PPP2R2B: variants seen among roughly 807,000 people sequenced by gnomAD.
The protein encoded by PPP2R2B is serine/threonine-protein phosphatase 2A 55 kDa regulatory subunit B beta isoform.
In PPP2R2B, 5 loss-of-function variants were observed where a neutral mutation model predicts 46.0. The ratio of observed to expected loss-of-function variants is 0.11; its 90% CI spans 0.06 to 0.23. The LOEUF (loss-of-function observed/expected upper bound fraction) is 0.23, where lower values mean the gene tolerates loss of function less well. Among genes scored for constraint, PPP2R2B ranks in the 10% least tolerant of loss-of-function variants. The pLI, the probability that PPP2R2B is intolerant of heterozygous loss-of-function variation, is 1.00. For synonymous variants in PPP2R2B, 215 were observed against 206.7 expected (o/e 1.04, Z -0.34); for missense variants, 367 against 575.0 (o/e 0.64, Z 3.70).
At chr5:146,702,866 T>G (rs1038899898) in intron 2 of PPP2R2B, among the ~76,000 whole-genome samples, 1 of 152,138 alleles carries the variant, frequency 6.6e-6, no homozygotes, top group Non-Finnish European at 1.5e-5. Flanking sequence ...GAATACTACC[T>G]TAAGGAAACA....
At chr5:146,953,016 T>C (rs893714619) in intron 1 of PPP2R2B, among the ~76,000 whole-genome samples, 9 of 152,124 alleles carry the variant, frequency 5.9e-5, no homozygotes, top group African/African-American at 2.2e-4. Context: ...ACAGATAAAA[T>C]ATGTAAAAAT....
intron 2 of PPP2R2B, among the ~76,000 whole-genome samples, chr5:146,754,514 C>T (rs1168791867): frequency 2.0e-5 from 3 of 152,140 alleles, no homozygotes; most frequent in Non-Finnish European, 2.9e-5. Context: ...AGAAGTTCTT[C>T]GATACTCTTT....
At position 146,770,355 on chromosome 5, in the gene PPP2R2B, A is replaced by AT. The variant is rs1368760298; in HGVS notation, c.71-69214_71-69213insA. ...CAAAAAAAAAAAAAAAAAAAAAAAA[A>AT]GAATGAAGAATTCAAAAATTATCCT... On this transcript the variant is annotated intron_variant, in intron 2 of 9. Coordinates refer to ENST00000394411, the MANE Select transcript of PPP2R2B (RefSeq NM_181675.4). Among the ~76,000 whole-genome samples, 79 of 132,646 alleles carry AT rather than the reference A, an allele frequency of 6.0e-4. 1 individual carries two copies. Among genetic ancestry groups the AT allele is most frequent in the African/African-American group, 2.0e-3 (75 of 37,154 alleles). The allele number at this position is 132,646 out of a possible 152,430, so 87.0% of individuals were successfully genotyped here.
At chr5:146,691,316 G>A (rs1162053080) in intron 4 of PPP2R2B, 76 bp from the exon 5 acceptor site, 11 of 1,190,548 alleles carry the variant, frequency 9.2e-6, no homozygotes, top group Non-Finnish European at 6.2e-6. Context: ...GGGGGCAATG[G>A]GGAGAGGAAG....
At chr5:146,999,001 G>C (rs376016221) in intron 1 of PPP2R2B, among the ~76,000 whole-genome samples, 1 of 117,432 alleles carries the variant, frequency 8.5e-6, no homozygotes, top group East Asian at 2.6e-4. Context: ...GAGACAGAGC[G>C]AGACTCCATA....
intron 2 of PPP2R2B, among the ~76,000 whole-genome samples, chr5:147,078,807 CAAA>C (rs35601188): frequency 1.1e-4 from 12 of 106,214 alleles, no homozygotes; most frequent in Admixed American, 2.0e-4. Context: ...GACTCCGTCT[CAAA>C]AAAAAAAAAA....
intron 2 of PPP2R2B, among the ~76,000 whole-genome samples, chr5:146,833,222 T>C (rs910123931): frequency 1.3e-5 from 2 of 152,158 alleles, no homozygotes; most frequent in African/African-American, 4.8e-5. Flanking sequence ...CAGATCATCT[T>C]ACATATTTGT....
intron 1 of PPP2R2B, among the ~76,000 whole-genome samples, chr5:146,921,264 T>A (rs1763596866): frequency 1.3e-5 from 2 of 152,246 alleles, no homozygotes; most frequent in South Asian, 4.1e-4. Context: ...ATTCATCTGC[T>A]AAGTAGTCAG....
chr5:146,944,327 G>C (rs1764413101), intron 1 of PPP2R2B, among the ~76,000 whole-genome samples: 4 of 152,136 alleles, frequency 2.6e-5, no homozygotes, highest in Admixed American at 2.6e-4. Context: ...AGATTGAAAA[G>C]AGATTTTCAA....
intron 1 of PPP2R2B, among the ~76,000 whole-genome samples, chr5:147,004,279 C>T (rs1754326048): frequency 6.6e-6 from 1 of 152,156 alleles, no homozygotes; most frequent in Admixed American, 6.5e-5. Context: ...GACACACTGC[C>T]CCAGAGGGCA....
At chr5:146,951,649 T>C (rs901847183) in intron 1 of PPP2R2B, among the ~76,000 whole-genome samples, 5 of 152,070 alleles carry the variant, frequency 3.3e-5, no homozygotes, top group Admixed American at 6.6e-5. Flanking sequence ...CTGAGGATAA[T>C]GAGTCCAAGC....
chr5:146,957,975 A>G (rs780913366), intron 1 of PPP2R2B, among the ~76,000 whole-genome samples: 5 of 152,192 alleles, frequency 3.3e-5, no homozygotes, highest in Non-Finnish European at 1.5e-5. Flanking sequence ...TCAAAATATA[A>G]AGTGAACCTA....
At chr5:146,748,881 AT>A (rs750638657) in intron 2 of PPP2R2B, among the ~76,000 whole-genome samples, 20 of 151,912 alleles carry the variant, frequency 1.3e-4, no homozygotes, top group African/African-American at 4.6e-4. Flanking sequence ...GTGCACATAC[AT>A]TTTTTTTATT....
At chr5:146,853,369 G>A (rs189941539) in intron 2 of PPP2R2B, among the ~76,000 whole-genome samples, 1 of 152,176 alleles carries the variant, frequency 6.6e-6, no homozygotes, top group East Asian at 1.9e-4. Context: ...CCATTATCCT[G>A]CTCATCTCTA....
intron 2 of PPP2R2B, among the ~76,000 whole-genome samples, chr5:147,076,004 A>G (rs1316101603): frequency 6.6e-6 from 1 of 152,160 alleles, no homozygotes; most frequent in Admixed American, 6.5e-5. Flanking sequence ...CCAATTTTAC[A>G]TATCAGGAAA....
intron 2 of PPP2R2B, among the ~76,000 whole-genome samples, chr5:146,855,660 C>G (rs752005535): frequency 6.6e-6 from 1 of 152,130 alleles, no homozygotes; most frequent in Non-Finnish European, 1.5e-5. Context: ...TTTGATCTCT[C>G]TCAGGGTTCA....
intron 1 of PPP2R2B, among the ~76,000 whole-genome samples, chr5:147,017,983 T>C (rs1213242970): frequency 6.6e-6 from 1 of 151,882 alleles, no homozygotes; most frequent in African/African-American, 2.4e-5. Context: ...TAGTTTTGCA[T>C]GTAGGAAATC....
intron 2 of PPP2R2B, among the ~76,000 whole-genome samples, chr5:146,781,012 T>C (rs1459653293): frequency 6.6e-6 from 1 of 151,050 alleles, no homozygotes; most frequent in Non-Finnish European, 1.5e-5. Context: ...ACATTTCAGA[T>C]GATGATGATG....
chr5:146,849,626 A>G (rs1376078425), intron 2 of PPP2R2B, among the ~76,000 whole-genome samples: 1 of 152,200 alleles, frequency 6.6e-6, no homozygotes, highest in Non-Finnish European at 1.5e-5. Context: ...TAGGGCAAAC[A>G]GTACAAGAGG....
Sources: gnomAD v4.1 joint callset for allele counts (sites outside exome capture counted in the v4.1 genomes callset) on GRCh38, gnomAD v4.1.1 for gene constraint, MANE v1.5 for transcripts, NCBI Gene and HGNC (gene_info 2026-07-23, HGNC 2026-07-21) for gene names.